The following FBXL7 variants were observed in gnomAD, a reference collection of about 807,000 sequenced individuals.
FBXL7 encodes the protein F-box/LRR-repeat protein 7.
In FBXL7, 12 loss-of-function variants were observed where a neutral mutation model predicts 38.3. The observed-to-expected ratio is 0.31, with a 90% CI of 0.20 to 0.51. FBXL7 has a LOEUF of 0.51. Ranked by LOEUF, FBXL7 falls within the 20% of genes least tolerant of loss-of-function variation. The probability of loss-of-function intolerance (pLI) is 0.98; values close to 1 mark genes in which losing one functional copy is unlikely to be tolerated. For synonymous variants in FBXL7, 297 were observed against 300.9 expected (o/e 0.99, Z 0.13); for missense variants, 567 against 676.4 (o/e 0.84, Z 1.79).
intron 2 of FBXL7, among the ~76,000 whole-genome samples, chr5:15,823,250 G>T (rs1738220608): frequency 6.6e-6 from 1 of 152,150 alleles, no homozygotes; most frequent in East Asian, 1.9e-4. Context: ...ACTCCACTGA[G>T]TCCAATGTGT....
intron 2 of FBXL7, among the ~76,000 whole-genome samples, chr5:15,657,293 A>G (rs565455176): frequency 4.6e-5 from 7 of 152,308 alleles, no homozygotes; most frequent in Admixed American, 2.0e-4. Flanking sequence ...CTACTTTAGT[A>G]GGCAACTTTA....
chr5:15,911,480 G>T (rs1278008081), intron 2 of FBXL7, among the ~76,000 whole-genome samples: 1 of 139,344 alleles, frequency 7.2e-6, no homozygotes, highest in South Asian at 2.1e-4. Flanking sequence ...ATGTCCTCCC[G>T]TAGGTCAGAG....
At chr5:15,555,937 CATCT>C (rs755110848) in intron 1 of FBXL7, among the ~76,000 whole-genome samples, 4 of 151,926 alleles carry the variant, frequency 2.6e-5, no homozygotes, top group African/African-American at 9.6e-5. Context: ...CAGTAGGATC[CATCT>C]ATCTATCTGT....
At chr5:15,790,260 G>C (rs770484702) in intron 2 of FBXL7, among the ~76,000 whole-genome samples, 1 of 152,142 alleles carries the variant, frequency 6.6e-6, no homozygotes, top group Non-Finnish European at 1.5e-5. Context: ...CTCTTAGGTA[G>C]ATGGAAGCTT....
chr5:15,714,252 TG>T (rs1743968534), intron 2 of FBXL7, among the ~76,000 whole-genome samples: 1 of 152,192 alleles, frequency 6.6e-6, no homozygotes, highest in Non-Finnish European at 1.5e-5. Context: ...TCATGAAACC[TG>T]GTTGTTTAAA....
At chr5:15,704,889 A>G (rs1320302400) in intron 2 of FBXL7, among the ~76,000 whole-genome samples, 1 of 152,106 alleles carries the variant, frequency 6.6e-6, no homozygotes, top group Non-Finnish European at 1.5e-5. Context: ...TCACTTTCTT[A>G]AATCCCAGTA....
chr5:15,731,072 A>T (rs574672443), intron 2 of FBXL7, among the ~76,000 whole-genome samples: 1 of 152,120 alleles, frequency 6.6e-6, no homozygotes, highest in Non-Finnish European at 1.5e-5. Context: ...GGCAGTTTGG[A>T]CCCCAGAGAC....
At chr5:15,824,778 C>T (rs1378104398) in intron 2 of FBXL7, among the ~76,000 whole-genome samples, 1 of 152,140 alleles carries the variant, frequency 6.6e-6, no homozygotes, top group South Asian at 2.1e-4. Context: ...TATTTGGAAT[C>T]GATCTAGCAG....
chr5:15,824,189 G>A (rs887452343), intron 2 of FBXL7, among the ~76,000 whole-genome samples: 6 of 151,690 alleles, frequency 4.0e-5, no homozygotes, highest in South Asian at 2.1e-4. Flanking sequence ...CCAGCTACTC[G>A]GGAGGCTGAG....
intron 1 of FBXL7, among the ~76,000 whole-genome samples, chr5:15,568,783 G>A (rs1481715102): frequency 1.3e-5 from 2 of 152,178 alleles, no homozygotes; most frequent in South Asian, 4.1e-4. Context: ...GTAAGGAAGG[G>A]ATCCAGTTTC....
chr5:15,867,310 CTA>C (rs1469195412), intron 2 of FBXL7, among the ~76,000 whole-genome samples: 1 of 152,162 alleles, frequency 6.6e-6, no homozygotes, highest in Non-Finnish European at 1.5e-5. Context: ...AGAAGACTAC[CTA>C]TCATCTCCAC....
intron 2 of FBXL7, among the ~76,000 whole-genome samples, chr5:15,758,258 A>G (rs899157950): frequency 1.3e-5 from 2 of 152,164 alleles, no homozygotes; most frequent in African/African-American, 4.8e-5. Flanking sequence ...TTAAGGAGAT[A>G]TGATTTAATC....
At chr5:15,707,965 C>G (rs1014978058) in intron 2 of FBXL7, among the ~76,000 whole-genome samples, 1 of 152,136 alleles carries the variant, frequency 6.6e-6, no homozygotes, top group Admixed American at 6.5e-5. Flanking sequence ...ATTTTCTATC[C>G]CATCTTTATA....
At chr5:15,929,625 GAAAAAAAAA>G (rs60269538) in intron 3 of FBXL7, among the ~76,000 whole-genome samples, 3 of 113,548 alleles carry the variant, frequency 2.6e-5, no homozygotes, top group South Asian at 2.9e-4. Context: ...CCCTGTCTCT[GAAAAAAAAA>G]AAAAAAAAAA....
chr5:15,766,275 A>G (rs1300322496), intron 2 of FBXL7, among the ~76,000 whole-genome samples: 1 of 152,094 alleles, frequency 6.6e-6, no homozygotes, highest in African/African-American at 2.4e-5. Flanking sequence ...CTGTATTTCC[A>G]GTATGTCTTA....
chr5:15,823,077 G>T (rs1422493592), intron 2 of FBXL7, among the ~76,000 whole-genome samples: 1 of 152,142 alleles, frequency 6.6e-6, no homozygotes, highest in Admixed American at 6.5e-5. Flanking sequence ...AAATGCATTT[G>T]CATTACCTCT....
At chr5:15,858,318 A>G (rs750843588) in intron 2 of FBXL7, among the ~76,000 whole-genome samples, 133 of 152,058 alleles carry the variant, frequency 8.7e-4, no homozygotes, top group Non-Finnish European at 1.6e-3. Flanking sequence ...ACCATAAATG[A>G]CACATCAGCA....
chr5:15,526,055 C>T (rs1401236789), intron 1 of FBXL7, among the ~76,000 whole-genome samples: 1 of 151,964 alleles, frequency 6.6e-6, no homozygotes, highest in Admixed American at 6.5e-5. Flanking sequence ...TGATGAAAGA[C>T]ATGGGGGAAT....
At chr5:15,688,480 C>G (rs1017340148) in intron 2 of FBXL7, among the ~76,000 whole-genome samples, 1 of 152,166 alleles carries the variant, frequency 6.6e-6, no homozygotes, top group Non-Finnish European at 1.5e-5. Flanking sequence ...ACTTAGCCAT[C>G]CGGTAACACA....
Sources: gnomAD v4.1 joint callset for allele counts (sites outside exome capture counted in the v4.1 genomes callset) on GRCh38, gnomAD v4.1.1 for gene constraint, MANE v1.5 for transcripts, NCBI Gene and HGNC (gene_info 2026-07-23, HGNC 2026-07-21) for gene names.